The following CASZ1 variants were observed in gnomAD, a reference collection of about 807,000 sequenced individuals.
CASZ1 encodes the protein castor zinc finger 1, also known as zinc finger protein castor homolog 1.
A neutral mutation model predicts 135.2 loss-of-function variants in CASZ1; 28 were observed. The ratio of observed to expected loss-of-function variants is 0.21; its 90% CI spans 0.15 to 0.28. The LOEUF (loss-of-function observed/expected upper bound fraction) is 0.28. CASZ1 is among the 10% of genes least tolerant of loss of function. The probability of loss-of-function intolerance (pLI) is 1.00; values close to 1 mark genes in which losing one functional copy is unlikely to be tolerated. For missense variants in CASZ1, 2,161 were observed against 2,453.3 expected (o/e 0.88, Z 2.52); for synonymous variants, 1,068 against 1,073.4 (o/e 0.99, Z 0.10).
rs1236770678 is a variant in CASZ1 at position 10,637,221 on chromosome 1, G to A, written c.*1721C>T. On this transcript the variant is annotated 3_prime_UTR_variant, in exon 21 of 21. Coordinates refer to ENST00000377022, the MANE Select transcript of CASZ1 (RefSeq NM_001079843.3). Reference sequence around the variant, plus strand: ...CTCCTTCCACAGACGCCCGGGGCCTGTGGCGGGTCACTGTCTGGGCAGATG... The same window carrying A: ...CTCCTTCCACAGACGCCCGGGGCCTATGGCGGGTCACTGTCTGGGCAGATG... The A allele has an allele frequency of 1.3e-5, 2 of 151,998 alleles. No homozygotes were observed. The highest frequency in any genetic ancestry group is 2.9e-5 in the Non-Finnish European group (2 of 67,988). The allele number at this position is 151,998 out of a possible 1,614,324, so 9.4% of individuals were successfully genotyped here.
rs1639869843 is a variant in CASZ1 at position 10,739,381 on chromosome 1, G to A, written c.-77+21320C>T. On this transcript the variant is annotated intron_variant, in intron 2 of 20. Coordinates refer to ENST00000377022, the MANE Select transcript of CASZ1 (RefSeq NM_001079843.3). This position sits in a 1 kb window ranked among gnomAD's most constrained non-coding sequence, Gnocchi z 4.8. ...AGGGGCCCGGGCCCAGGGTGGCCAC[G>A]GTGAGGAGGAGGAGGACCACATGCG... is the stretch of plus-strand genomic sequence containing the variant. Among the ~76,000 whole-genome samples the A allele has an allele frequency of 6.6e-6, 1 of 152,170 alleles. No individual in the cohort carries two copies. Among genetic ancestry groups the A allele is most frequent in the South Asian group, 2.1e-4 (1 of 4,824 alleles).
chr1:10,637,637 C>T lies in CASZ1; in HGVS notation c.*1305G>A, dbSNP rs1642034945. 6.6e-6 allele frequency: 1 copy of T among 152,282 alleles called. No individual in the cohort carries two copies. The highest frequency in any genetic ancestry group is 6.5e-5 in the Admixed American group (1 of 15,284). 9.4% of individuals were successfully genotyped at this position (152,282 alleles called of 1,614,324 possible). A position where few individuals can be genotyped will look rare whatever the true frequency, so the allele number is the denominator to read the frequency against. On this transcript the variant is annotated 3_prime_UTR_variant, in exon 21 of 21. Coordinates refer to ENST00000377022, the MANE Select transcript of CASZ1 (RefSeq NM_001079843.3). ...TGTGGCCTCGGGCAGCCTGCCCTCG[C>T]AGGGGACTCGGTCCCCGGGGACCTC...
chr1:10,786,563 A>C (rs1640863214), intron 1 of CASZ1, among the ~76,000 whole-genome samples: 1 of 152,150 alleles, frequency 6.6e-6, no homozygotes, highest in South Asian at 2.1e-4. Flanking sequence ...ACACACACAG[A>C]CATGTGGTCC....
chr1:10,685,276 G>C (rs145689588), intron 4 of CASZ1, among the ~76,000 whole-genome samples: 1 of 152,202 alleles, frequency 6.6e-6, no homozygotes. Context: ...GGAGGGAAGT[G>C]GGGGGCACAC....
intron 1 of CASZ1, among the ~76,000 whole-genome samples, chr1:10,783,377 G>A (rs916682248): frequency 3.4e-5 from 5 of 148,960 alleles, no homozygotes; most frequent in African/African-American, 1.3e-4. Context: ...TCATTCCAGG[G>A]CAGTTCCAAG....
Position 10,727,460 on chromosome 1 carries a change from C to T in CASZ1, c.-76-21916G>A, listed in dbSNP as rs1055753470. On this transcript the variant is annotated intron_variant, in intron 2 of 20. Transcript: ENST00000377022. This position sits in a 1 kb window ranked among gnomAD's most constrained non-coding sequence, Gnocchi z 5.3. ...CACCCCAGCTCCTTGAACCCCCGGG[C>T]CCAGGGGATTCAGCACAGCCCAACA... is the stretch of plus-strand genomic sequence containing the variant. 1.3e-5 allele frequency among the ~76,000 whole-genome samples: 2 copies of T among 151,986 alleles called. No individual in the cohort carries two copies. Among genetic ancestry groups the T allele is most frequent in the African/African-American group, 2.4e-5 (1 of 41,374 alleles).
At chr1:10,672,174 A>C (rs2100323010) in intron 4 of CASZ1, among the ~76,000 whole-genome samples, 1 of 151,514 alleles carries the variant, frequency 6.6e-6, no homozygotes, top group Admixed American at 6.6e-5. Context: ...CTCTGAAAAC[A>C]ACTGAGCTGT....
chr1:10,679,145 G>A lies in CASZ1; in HGVS notation c.17-13574C>T, dbSNP rs939536737. The stretch of plus-strand genomic sequence containing the variant: ...GCTGCCCCGACTTCCCAGGATTCAC[G>A]AGGGGACTGCAGGGCTGGCACAGAG... On this transcript the variant is annotated intron_variant, in intron 4 of 20. Transcript: ENST00000377022. The surrounding 1 kb of genome is among the most constrained non-coding windows in gnomAD (Gnocchi z 4.7). Among the ~76,000 whole-genome samples the A allele has an allele frequency of 9.9e-5, 15 of 152,198 alleles. No individual in the cohort carries two copies. Among genetic ancestry groups the A allele is most frequent in the African/African-American group, 2.9e-4 (12 of 41,446 alleles).
Position 10,759,578 on chromosome 1 carries a change from C to T in CASZ1, c.-77+1123G>A, listed in dbSNP as rs1468828439. The stretch of plus-strand genomic sequence containing the variant: ...ATCCAGAGCTAGTTCCCTGAGGAGG[C>T]ATGGCCTGGATTCAGGCAGGTCTGC... On this transcript the variant is annotated intron_variant, in intron 2 of 20. Coordinates refer to ENST00000377022, the MANE Select transcript of CASZ1 (RefSeq NM_001079843.3). This position sits in a 1 kb window ranked among gnomAD's most constrained non-coding sequence, Gnocchi z 4.2. 6.6e-6 allele frequency among the ~76,000 whole-genome samples: 1 copy of T among 152,196 alleles called. No homozygotes were observed. Among genetic ancestry groups the T allele is most frequent in the Non-Finnish European group, 1.5e-5 (1 of 68,038 alleles).
intron 4 of CASZ1, among the ~76,000 whole-genome samples, chr1:10,680,027 T>C (rs1042019600): frequency 2.6e-5 from 4 of 151,890 alleles, no homozygotes; most frequent in Non-Finnish European, 5.9e-5. Context: ...GGGGTGGCAT[T>C]AAGGAGCCCA....
rs780665405 is a variant in CASZ1, at chr1:10,653,396, G to A, written c.2661C>T (p.Pro887=). The change falls in exon 11 of 21, where the codon CCC becomes CCT. Residue 887 remains proline, a synonymous_variant. Coordinates refer to ENST00000377022, the MANE Select transcript of CASZ1 (RefSeq NM_001079843.3). ...GCTCACCTGGGTCAAAGGTGGCAGA[G>A]GGCTTGAGGGCAGCTGCAGCCAGCC... ...MARLAAAALK[P]SATFDPGSGQ... is the part of the protein sequence containing the mutation. 2.5e-6 allele frequency: 4 copies of A among 1,613,278 alleles called. No homozygotes were observed. In the South Asian group the frequency reaches 3.3e-5, roughly 13 times the overall value.
chr1:10,654,238 C>G lies in CASZ1; in HGVS notation c.1839-20G>C. On this transcript the variant is annotated intron_variant, in intron 10 of 20. Transcript: ENST00000377022. ...GGGCGCCTGGATGGGACATTGGGAGCCTGTCATGAGACCCAGAGGAGGCCC... is the reference window on the plus strand; with the variant it reads ...GGGCGCCTGGATGGGACATTGGGAGGCTGTCATGAGACCCAGAGGAGGCCC... The G allele has an allele frequency of 1.2e-6, 2 of 1,611,262 alleles. No individual in the cohort carries two copies. Among genetic ancestry groups the G allele is most frequent in the Non-Finnish European group, 1.7e-6 (2 of 1,178,500 alleles).
chr1:10,671,252 G>C (rs760546793), intron 4 of CASZ1, among the ~76,000 whole-genome samples: 1 of 140,688 alleles, frequency 7.1e-6, no homozygotes, highest in Non-Finnish European at 1.6e-5. Context: ...GGAGAAAAAA[G>C]AGAGTTACCA....
chr1:10,674,115 C>T (rs756076063), intron 4 of CASZ1, among the ~76,000 whole-genome samples: 4 of 152,232 alleles, frequency 2.6e-5, no homozygotes, highest in Non-Finnish European at 5.9e-5. Context: ...GATGCTGGGG[C>T]AAGATGCCCT....
chr1:10,794,901 C>G lies in CASZ1; in HGVS notation c.-234+1663G>C, dbSNP rs939481690. Among the ~76,000 whole-genome samples, 50 of 151,216 alleles carry G rather than the reference C, an allele frequency of 3.3e-4. No individual in the cohort carries two copies. The highest frequency in any genetic ancestry group is 4.1e-4 in the Non-Finnish European group (28 of 67,680). On this transcript the variant is annotated intron_variant, in intron 1 of 20. Transcript: ENST00000377022. The surrounding 1 kb of genome is among the most constrained non-coding windows in gnomAD (Gnocchi z 5.6). ...CAGCAACCGCCCGCCCGCCCGCGCC[C>G]GGCCAGCCCCCGCCAGCGGCCCCAG...
intron 2 of CASZ1, among the ~76,000 whole-genome samples, chr1:10,750,239 G>T (rs1640125475): frequency 6.6e-6 from 1 of 152,182 alleles, no homozygotes; most frequent in African/African-American, 2.4e-5. Context: ...ATGAGGCCTG[G>T]CTAGTGACGC....
rs762363827 is a variant in CASZ1, at chr1:10,645,100, C to T, written c.3697-12G>A. The T allele has an allele frequency of 1.2e-6, 2 of 1,612,392 alleles. No homozygotes were observed. Among genetic ancestry groups the T allele is most frequent in the Non-Finnish European group, 8.5e-7 (1 of 1,179,254 alleles). ...CGGAACTCGCAGTGCTGCAGGGAGA[C>T]ACGGGAGGGTCAGGACAGGCGGGTG... On this transcript the variant is annotated splice_polypyrimidine_tract_variant and intron_variant, in intron 17 of 20. Coordinates refer to ENST00000377022, the MANE Select transcript of CASZ1 (RefSeq NM_001079843.3).
At position 10,725,880 on chromosome 1, in the gene CASZ1, C is replaced by G. The variant is rs1020803977; in HGVS notation, c.-76-20336G>C. ...TCATTGAGGGGGCCAGAGGGCCTGC[C>G]GAATGTTCTAGAAGGATGGGCCGGA... On this transcript the variant is annotated intron_variant, in intron 2 of 20. Coordinates refer to ENST00000377022, the MANE Select transcript of CASZ1 (RefSeq NM_001079843.3). The surrounding 1 kb of genome is among the most constrained non-coding windows in gnomAD (Gnocchi z 4.4). Among the ~76,000 whole-genome samples, 1 of 151,996 alleles carries G rather than the reference C, an allele frequency of 6.6e-6. No individual in the cohort carries two copies. Among genetic ancestry groups the G allele is most frequent in the Non-Finnish European group, 1.5e-5 (1 of 67,994 alleles).
chr1:10,779,462 G>A (rs886674170), intron 1 of CASZ1, among the ~76,000 whole-genome samples: 7 of 152,094 alleles, frequency 4.6e-5, no homozygotes, highest in South Asian at 2.1e-4. Flanking sequence ...CGTGGGTGCA[G>A]GCGCCCTCTC....
Sources: allele counts gnomAD v4.1 joint callset (sites outside exome capture counted in the v4.1 genomes callset), GRCh38; gene constraint gnomAD v4.1.1; non-coding constraint Gnocchi (gnomAD v3.1); transcripts MANE v1.5; gene names NCBI Gene and HGNC (gene_info 2026-07-23, HGNC 2026-07-21).